The following SCFD2 variants were observed in gnomAD, a reference collection of about 807,000 sequenced individuals.
The protein encoded by SCFD2 is sec1 family domain containing 2.
Under a neutral mutation model 58.9 loss-of-function variants are expected in SCFD2, and 54 were observed. The ratio of observed to expected loss-of-function variants is 0.92; its 90% CI spans 0.74 to 1.15. The LOEUF (loss-of-function observed/expected upper bound fraction) is 1.15, where lower values mean the gene tolerates loss of function less well. SCFD2 is among the 50% of genes most tolerant of loss of function. The pLI is 0.00. For missense variants in SCFD2, 805 were observed against 836.6 expected (o/e 0.96, Z 0.47); for synonymous variants, 321 against 335.9 (o/e 0.96, Z 0.49).
chr4:53,110,542 CAAG>C (rs752738365), intron 5 of SCFD2, among the ~76,000 whole-genome samples: 1 of 152,126 alleles, frequency 6.6e-6, no homozygotes, highest in Non-Finnish European at 1.5e-5. Context: ...AACAAATTTA[CAAG>C]AAAACAAACA....
At chr4:52,916,904 T>C (rs959373823) in intron 6 of SCFD2, among the ~76,000 whole-genome samples, 32 of 152,216 alleles carry the variant, frequency 2.1e-4, no homozygotes, top group African/African-American at 7.0e-4. Context: ...AGAAGTTTTT[T>C]GTTTTTTGTT....
intron 3 of SCFD2, among the ~76,000 whole-genome samples, chr4:53,289,594 T>G (rs2149084808): frequency 6.6e-6 from 1 of 151,652 alleles, no homozygotes; most frequent in African/African-American, 2.4e-5. Context: ...CAGAAAACAA[T>G]TAACAAAATG....
At chr4:53,157,471 T>C (rs946357224) in intron 4 of SCFD2, among the ~76,000 whole-genome samples, 1 of 152,216 alleles carries the variant, frequency 6.6e-6, no homozygotes, top group East Asian at 1.9e-4. Context: ...TATGTCTGCA[T>C]GAGGCTTGAT....
chr4:52,894,384 C>T (rs1276883027), intron 7 of SCFD2, among the ~76,000 whole-genome samples: 4 of 152,140 alleles, frequency 2.6e-5, no homozygotes, highest in Non-Finnish European at 4.4e-5. Flanking sequence ...GAGGTCCAAA[C>T]ATATGGAGTA....
intron 4 of SCFD2, among the ~76,000 whole-genome samples, chr4:53,226,590 G>A (rs1336968130): frequency 6.6e-6 from 1 of 152,040 alleles, no homozygotes; most frequent in African/African-American, 2.4e-5. Context: ...AATTTTTAAT[G>A]AACACGTACT....
intron 4 of SCFD2, among the ~76,000 whole-genome samples, chr4:53,163,337 C>T (rs947936088): frequency 1.4e-4 from 21 of 152,212 alleles, no homozygotes; most frequent in African/African-American, 4.8e-4. Context: ...GGTCCTCCCA[C>T]ATCCCCACCC....
chr4:53,237,972 C>A (rs1439286338), intron 4 of SCFD2, among the ~76,000 whole-genome samples: 9 of 126,106 alleles, frequency 7.1e-5, no homozygotes, highest in African/African-American at 8.8e-5. Context: ...CCCCACCTCC[C>A]TCCCGGACGG....
intron 5 of SCFD2, among the ~76,000 whole-genome samples, chr4:53,048,153 C>T (rs1424496167): frequency 6.6e-6 from 1 of 152,040 alleles, no homozygotes; most frequent in Non-Finnish European, 1.5e-5. Context: ...GAGTTCAAGA[C>T]CAGCCTAGTC....
chr4:52,890,322 A>G (rs937367438), intron 7 of SCFD2, among the ~76,000 whole-genome samples: 3 of 152,238 alleles, frequency 2.0e-5, no homozygotes, highest in African/African-American at 7.2e-5. Flanking sequence ...ACAAAGAACA[A>G]TACCCTGGGG....
intron 7 of SCFD2, among the ~76,000 whole-genome samples, chr4:52,897,547 G>C (rs187875246): frequency 3.3e-5 from 5 of 152,240 alleles, no homozygotes; most frequent in African/African-American, 1.2e-4. Flanking sequence ...TGTGTTGCTG[G>C]ATTTGGTTTG....
intron 5 of SCFD2, among the ~76,000 whole-genome samples, chr4:53,055,682 C>G (rs541411613): frequency 6.6e-6 from 1 of 152,260 alleles, no homozygotes; most frequent in East Asian, 1.9e-4. Flanking sequence ...TGAAACAGGA[C>G]TCACCAGAGT....
intron 5 of SCFD2, among the ~76,000 whole-genome samples, chr4:52,940,486 G>A (rs1477667515): frequency 6.6e-6 from 1 of 152,204 alleles, no homozygotes; most frequent in South Asian, 2.1e-4. Flanking sequence ...GACACAGTCC[G>A]TATCTGGGCA....
chr4:52,927,067 T>C (rs1005443030), intron 5 of SCFD2, among the ~76,000 whole-genome samples: 2 of 152,154 alleles, frequency 1.3e-5, no homozygotes, highest in African/African-American at 4.8e-5. Flanking sequence ...TCCCGGGAAG[T>C]GCATAAGGCA....
At chr4:52,876,037 A>AG (rs1718465828) in intron 8 of SCFD2, among the ~76,000 whole-genome samples, 1 of 151,644 alleles carries the variant, frequency 6.6e-6, no homozygotes, top group African/African-American at 2.4e-5. Flanking sequence ...GAGGGTCTCT[A>AG]CGTCTTTCAG....
At chr4:53,304,183 TGCCAAGA>T (rs1203313906) in intron 3 of SCFD2, among the ~76,000 whole-genome samples, 14 of 152,266 alleles carry the variant, frequency 9.2e-5, no homozygotes, top group Admixed American at 3.9e-4. Context: ...GTAGGGATAC[TGCCAAGA>T]GATCCACTGT....
intron 5 of SCFD2, among the ~76,000 whole-genome samples, chr4:52,934,291 T>A (rs188536632): frequency 1.3e-5 from 2 of 152,302 alleles, no homozygotes; most frequent in Non-Finnish European, 2.9e-5. Flanking sequence ...CAGCCATGTG[T>A]TGCCCCCCAA....
chr4:53,052,829 A>T (rs1723220766), intron 5 of SCFD2, among the ~76,000 whole-genome samples: 1 of 152,186 alleles, frequency 6.6e-6, no homozygotes, highest in Non-Finnish European at 1.5e-5. Flanking sequence ...CTACTGCGAC[A>T]TGCAACAACA....
intron 5 of SCFD2, among the ~76,000 whole-genome samples, chr4:53,105,901 A>G (rs1475464350): frequency 8.1e-6 from 1 of 124,052 alleles, no homozygotes; most frequent in African/African-American, 3.0e-5. Flanking sequence ...CCTGACTGGG[A>G]GACACTTCCC....
chr4:53,172,262 C>T (rs1727203438), intron 4 of SCFD2, among the ~76,000 whole-genome samples: 1 of 152,132 alleles, frequency 6.6e-6, no homozygotes, highest in South Asian at 2.1e-4. Flanking sequence ...CTCAGCCTCC[C>T]AAAGTGCTGG....
Sources: gnomAD v4.1 joint callset for allele counts (sites outside exome capture counted in the v4.1 genomes callset) on GRCh38, gnomAD v4.1.1 for gene constraint, MANE v1.5 for transcripts, NCBI Gene and HGNC (gene_info 2026-07-23, HGNC 2026-07-21) for gene names.